Variants in KIFAP3 observed in about 807,000 individuals in gnomAD.
KIFAP3 encodes kinesin-associated protein 3.
Under a neutral mutation model 106.5 loss-of-function variants are expected in KIFAP3, and 68 were observed. The observed-to-expected ratio is 0.64, with a 90% confidence interval of 0.53 to 0.78. The LOEUF is 0.78. KIFAP3 is among the 30% of genes least tolerant of loss of function. KIFAP3 has a pLI of 0.00. For synonymous variants in KIFAP3, 320 were observed against 311.5 expected (o/e 1.03, Z -0.29); for missense variants, 780 against 941.8 (o/e 0.83, Z 2.25).
At chr1:170,049,546 A>C (rs1355364889) in intron 2 of KIFAP3, among the ~76,000 whole-genome samples, 1 of 152,082 alleles carries the variant, frequency 6.6e-6, no homozygotes, top group African/African-American at 2.4e-5. Context: ...ACTGGGAGAG[A>C]CCTCCCAACA....
chr1:170,072,300 GAAGT>G (rs1557881423), intron 1 of KIFAP3, among the ~76,000 whole-genome samples: 1 of 152,128 alleles, frequency 6.6e-6, no homozygotes, highest in African/African-American at 2.4e-5. Flanking sequence ...AATACAATGG[GAAGT>G]AAGATAGACA....
At position 170,046,725 on chromosome 1, in the gene KIFAP3, T is replaced by A. The variant is rs1248140061; in HGVS notation, c.306A>T (p.Ser102=). The A allele has an allele frequency of 6.4e-7, 1 of 1,553,774 alleles. No individual in the cohort carries two copies. Among genetic ancestry groups the A allele is most frequent in the Non-Finnish European group, 8.7e-7 (1 of 1,148,678 alleles). ...LLYYLQNRRD[S]LSGKEKKEKS... is the part of the protein sequence containing the mutation. The stretch of plus-strand genomic sequence containing the variant: ...TCTACTACTTACCTTTTCCTGACAA[T>A]GAATCACGGCGGTTCTGTAGATAGT... Residue 102 remains serine, a synonymous_variant, in exon 3 of 20, where the codon TCA becomes TCT. Coordinates refer to ENST00000361580, the MANE Select transcript of KIFAP3 (RefSeq NM_014970.4).
In KIFAP3 at chr1:169,930,134, C is replaced by T. The variant is rs543343100; in HGVS notation, c.2274-8353G>A. ...TATATTTTAATGTGGAGATGTTATACTTGGTACTTTTTGATACTATATCAT... is the reference window on the plus strand; with the variant it reads ...TATATTTTAATGTGGAGATGTTATATTTGGTACTTTTTGATACTATATCAT... On this transcript the variant is annotated intron_variant, in intron 19 of 19. Coordinates refer to ENST00000361580, the MANE Select transcript of KIFAP3 (RefSeq NM_014970.4). Among the ~76,000 whole-genome samples the T allele has an allele frequency of 2.6e-5, 4 of 152,192 alleles. No individual in the cohort carries two copies. The South Asian group carries it at 8.3e-4, about 32-fold the overall frequency.
At chr1:170,049,137 G>C (rs1670438479) in intron 2 of KIFAP3, among the ~76,000 whole-genome samples, 1 of 152,156 alleles carries the variant, frequency 6.6e-6, no homozygotes, top group African/African-American at 2.4e-5. Context: ...GAGCTTGGTT[G>C]GGGGAGGTGG....
At chr1:169,962,630 A>G (rs1665399030) in intron 17 of KIFAP3, among the ~76,000 whole-genome samples, 1 of 152,178 alleles carries the variant, frequency 6.6e-6, no homozygotes, top group Non-Finnish European at 1.5e-5. Flanking sequence ...TTTTAGTTAA[A>G]TGCTAAGCAA....
At chr1:170,038,014 A>G (rs552125045) in intron 5 of KIFAP3, among the ~76,000 whole-genome samples, 86 of 152,290 alleles carry the variant, frequency 5.6e-4, no homozygotes, top group Non-Finnish European at 8.5e-4. Context: ...ATTTATGCAA[A>G]TGTCTAAAGT....
intron 2 of KIFAP3, among the ~76,000 whole-genome samples, chr1:170,050,724 T>C (rs1670532472): frequency 6.6e-6 from 1 of 152,142 alleles, no homozygotes; most frequent in African/African-American, 2.4e-5. Flanking sequence ...CAACACAGAA[T>C]TTAATATCCA....
rs140421802 is a variant in KIFAP3, at chr1:170,031,259, A to G, written c.841+627T>C. ...ACTCAGTGTAGTTAAAATTGCTACTAATCTTCACAGGATGAAAATATTTTG... is the reference window on the plus strand; with the variant it reads ...ACTCAGTGTAGTTAAAATTGCTACTGATCTTCACAGGATGAAAATATTTTG... On this transcript the variant is annotated intron_variant, in intron 8 of 19. Transcript: ENST00000361580. Among the ~76,000 whole-genome samples, 62 of 151,880 alleles carry G rather than the reference A, an allele frequency of 4.1e-4. 2 individuals carry two copies. The East Asian group carries it at 0.01, about 25-fold the overall frequency.
intron 2 of KIFAP3, among the ~76,000 whole-genome samples, chr1:170,053,048 A>G (rs1325043832): frequency 6.6e-6 from 1 of 152,218 alleles, no homozygotes; most frequent in Non-Finnish European, 1.5e-5. Flanking sequence ...TGAAGAAGTC[A>G]AATTGTCTCT....
chr1:169,987,712 C>G (rs578143270), intron 11 of KIFAP3, among the ~76,000 whole-genome samples: 4 of 152,048 alleles, frequency 2.6e-5, no homozygotes, highest in Non-Finnish European at 5.9e-5. Flanking sequence ...ACATGTGGAT[C>G]ACTATGAAGA....
At chr1:169,929,712 T>C (rs1267871065) in intron 19 of KIFAP3, among the ~76,000 whole-genome samples, 1 of 152,156 alleles carries the variant, frequency 6.6e-6, no homozygotes, top group Non-Finnish European at 1.5e-5. Flanking sequence ...ACTAAATGGC[T>C]ACAGCATCTT....
chr1:170,001,532 C>T (rs770961554), intron 10 of KIFAP3, among the ~76,000 whole-genome samples: 7 of 152,150 alleles, frequency 4.6e-5, no homozygotes, highest in Non-Finnish European at 1.0e-4. Flanking sequence ...CTGTTTGCCA[C>T]TTCTGACCCC....
intron 9 of KIFAP3, among the ~76,000 whole-genome samples, chr1:170,021,515 A>G (rs143095753): frequency 0.022 from 3,268 of 148,334 alleles, 106 homozygotes; most frequent in African/African-American, 0.065. Context: ...TCTCCGCTCA[A>G]TGCAACCTCC....
At chr1:169,929,461 T>A (rs1190640224) in intron 19 of KIFAP3, among the ~76,000 whole-genome samples, 1 of 152,156 alleles carries the variant, frequency 6.6e-6, no homozygotes, top group African/African-American at 2.4e-5. Flanking sequence ...CCAATATTAA[T>A]GGCATCTTGT....
At chr1:170,038,035 A>C (rs917615589) in intron 5 of KIFAP3, among the ~76,000 whole-genome samples, 1 of 152,220 alleles carries the variant, frequency 6.6e-6, no homozygotes, top group Non-Finnish European at 1.5e-5. Flanking sequence ...TTGATCTTAT[A>C]TCCTACTTGA....
intron 2 of KIFAP3, among the ~76,000 whole-genome samples, chr1:170,047,344 G>A (rs915927876): frequency 2.6e-5 from 4 of 151,908 alleles, no homozygotes; most frequent in Non-Finnish European, 5.9e-5. Flanking sequence ...GATCTGGCCG[G>A]GCACGGTGGT....
intron 10 of KIFAP3, among the ~76,000 whole-genome samples, chr1:170,001,467 A>G (rs1172974738): frequency 6.6e-6 from 1 of 152,150 alleles, no homozygotes; most frequent in African/African-American, 2.4e-5. Flanking sequence ...AACTTCAAGC[A>G]ATCTTGATAT....
chr1:169,939,929 T>C (rs972156031), intron 19 of KIFAP3, among the ~76,000 whole-genome samples: 1 of 152,084 alleles, frequency 6.6e-6, no homozygotes, highest in Non-Finnish European at 1.5e-5. Context: ...TTGAGAAGTT[T>C]TGGATAAAGG....
intron 18 of KIFAP3, among the ~76,000 whole-genome samples, chr1:169,959,177 C>A (rs1307747248): frequency 6.6e-6 from 1 of 152,106 alleles, no homozygotes; most frequent in African/African-American, 2.4e-5. Context: ...TCAAACAAAT[C>A]TGCAGGAGTA....
Sources: gnomAD v4.1 joint callset for allele counts (sites outside exome capture counted in the v4.1 genomes callset) on GRCh38, gnomAD v4.1.1 for gene constraint, MANE v1.5 for transcripts, NCBI Gene and HGNC (gene_info 2026-07-23, HGNC 2026-07-21) for gene names.